EPB41: variants seen among roughly 807,000 people sequenced by gnomAD.
The protein encoded by EPB41 is erythrocyte membrane protein band 4.1, also known as protein 4.1.
In EPB41, 65 loss-of-function variants were observed where a neutral mutation model predicts 108.0. That is an observed-to-expected ratio of 0.60 (90% CI 0.49 to 0.74). The LOEUF is 0.74. Among genes scored for constraint, EPB41 ranks in the 30% least tolerant of loss-of-function variants. The pLI is 0.00. For synonymous variants in EPB41, 336 were observed against 358.9 expected (o/e 0.94, Z 0.72); for missense variants, 875 against 1,037.0 (o/e 0.84, Z 2.15).
rs746417923 is a variant in EPB41, at chr1:29,033,171, C to T, written c.1291C>T (p.Arg431Cys). The change falls in exon 9 of 21, where the codon CGC becomes TGC. Residue 431 changes from arginine to cysteine, a missense_variant. Around this residue, in one of 3 missense-constraint regions of EPB41, gnomAD observed 519 missense variants for 627.3 expected, o/e 0.83. Transcript: ENST00000343067. ...TTACAAAGATAAGCTGAGAATTAAC[C>T]GCTTCCCTTGGCCCAAAGTGCTGAA... The part of the protein sequence containing the change: ...LVYKDKLRIN[R>C]FPWPKVLKIS... The T allele has an allele frequency of 1.7e-5, 27 of 1,613,742 alleles. No homozygotes were observed. The highest frequency in any genetic ancestry group is 4.0e-5 in the African/African-American group (3 of 74,878).
chr1:28,917,054 G>C (rs1050469698), intron 1 of EPB41, among the ~76,000 whole-genome samples: 1 of 152,048 alleles, frequency 6.6e-6, no homozygotes, highest in Non-Finnish European at 1.5e-5. Flanking sequence ...GCCTCCCAAA[G>C]TGCTGGGATT....
At chr1:28,979,311 A>G (rs1230932017) in intron 1 of EPB41, among the ~76,000 whole-genome samples, 1 of 151,586 alleles carries the variant, frequency 6.6e-6, no homozygotes, top group East Asian at 1.9e-4. Context: ...AAATTTGTAG[A>G]CCACAACCAC....
At chr1:28,996,089 G>T (rs2096167487) in intron 3 of EPB41, among the ~76,000 whole-genome samples, 1 of 152,146 alleles carries the variant, frequency 6.6e-6, no homozygotes, top group Admixed American at 6.6e-5. Flanking sequence ...TTCCAATAAA[G>T]AGGTAGGATG....
intron 19 of EPB41, among the ~76,000 whole-genome samples, chr1:29,114,602 C>T (rs1670257540): frequency 6.8e-6 from 1 of 146,874 alleles, no homozygotes; most frequent in Admixed American, 6.8e-5. Context: ...AAGATCACAC[C>T]ACTGCACTCC....
chr1:28,968,780 A>T (rs548642752), intron 1 of EPB41, among the ~76,000 whole-genome samples: 1 of 152,068 alleles, frequency 6.6e-6, no homozygotes, highest in African/African-American at 2.4e-5. Flanking sequence ...CCTGGCCAAC[A>T]TGGTGAGACC....
chr1:29,100,428 C>T lies in EPB41; in HGVS notation c.2313+2493C>T, dbSNP rs57628970. ...GGTTAGCCAAGATGGCGCCATTGCA[C>T]TCCATCCTGGGCAACAAGAGTGAAA... On this transcript the variant is annotated intron_variant, in intron 17 of 20. Transcript: ENST00000343067. Among the ~76,000 whole-genome samples the T allele has an allele frequency of 4.7e-3, 691 of 147,132 alleles. 8 individuals are homozygous for T. Among genetic ancestry groups the T allele is most frequent in the African/African-American group, 0.016 (646 of 40,996 alleles).
intron 1 of EPB41, among the ~76,000 whole-genome samples, chr1:28,908,979 A>T (rs1451169400): frequency 6.6e-6 from 1 of 150,376 alleles, no homozygotes; most frequent in Non-Finnish European, 1.5e-5. Flanking sequence ...CCTATCCCAC[A>T]TGTCTCTACT....
At chr1:28,982,460 A>C (rs879061463) in intron 1 of EPB41, 1 of 770,412 alleles carries the variant, frequency 1.3e-6, no homozygotes, top group African/African-American at 1.7e-5. Context: ...GTCACTTTGC[A>C]GGGGTAGTGG....
intron 1 of EPB41, among the ~76,000 whole-genome samples, chr1:28,951,317 TA>T (rs1047579581): frequency 5.7e-5 from 8 of 141,366 alleles, no homozygotes; most frequent in East Asian, 2.0e-4. Flanking sequence ...AAGACCCCAT[TA>T]AAAAAAAAAC....
At chr1:29,107,346 C>T (rs924717835) in intron 17 of EPB41, among the ~76,000 whole-genome samples, 22 of 152,088 alleles carry the variant, frequency 1.4e-4, no homozygotes, top group African/African-American at 5.3e-4. Context: ...AGTCCTAGTT[C>T]AAACACCCAT....
chr1:29,098,471 A>C (rs1664038707), intron 17 of EPB41, among the ~76,000 whole-genome samples: 1 of 152,190 alleles, frequency 6.6e-6, no homozygotes, highest in African/African-American at 2.4e-5. Context: ...CTGAGATTAT[A>C]GGCGTGAGCC....
chr1:29,107,851 C>CA (rs58046908), intron 17 of EPB41, among the ~76,000 whole-genome samples: 30,948 of 62,622 alleles, frequency 0.49, 7,594 homozygotes, highest in Non-Finnish European at 0.54. Flanking sequence ...AACTCCATCT[C>CA]AAAAAAAAAA....
In EPB41 at chr1:28,908,022, C is replaced by T. The variant is rs2091964560; in HGVS notation, c.-8+20812C>T. Among the ~76,000 whole-genome samples, 3 of 151,906 alleles carry T rather than the reference C, an allele frequency of 2.0e-5. No homozygotes were observed. In the South Asian group the frequency reaches 6.2e-4, roughly 32 times the overall value. Reference sequence around the variant, plus strand: ...ACTGTACTTGAGGCTAATAATATTGCCTAAGTATTACTGTTAAGAAGTTAA... The same window carrying T: ...ACTGTACTTGAGGCTAATAATATTGTCTAAGTATTACTGTTAAGAAGTTAA... On this transcript the variant is annotated intron_variant, in intron 1 of 16. Coordinates refer to the EPB41 transcript ENST00000347529.
chr1:28,947,934 C>G (rs1185551990), intron 1 of EPB41, among the ~76,000 whole-genome samples: 3 of 151,658 alleles, frequency 2.0e-5, no homozygotes, highest in African/African-American at 7.3e-5. Context: ...TTATGTTAGT[C>G]TACTGACTAG....
At chr1:29,087,248 G>T (rs1475681870) in intron 16 of EPB41, among the ~76,000 whole-genome samples, 1 of 151,442 alleles carries the variant, frequency 6.6e-6, no homozygotes, top group Non-Finnish European at 1.5e-5. Context: ...GCCAACTGTG[G>T]TTCTTTTGAT....
At chr1:29,055,977 C>G (rs1645335824) in intron 12 of EPB41, among the ~76,000 whole-genome samples, 1 of 149,314 alleles carries the variant, frequency 6.7e-6, no homozygotes, top group Admixed American at 6.7e-5. Flanking sequence ...TGGCTCACGC[C>G]TGTAATCCCA....
chr1:28,944,954 G>A (rs1412656917), intron 1 of EPB41, among the ~76,000 whole-genome samples: 2 of 151,844 alleles, frequency 1.3e-5, no homozygotes, highest in Admixed American at 1.3e-4. Flanking sequence ...AGCCGAGCAT[G>A]GTGGTGTGCG....
At chr1:28,912,762 T>A (rs530645082), upstream of EPB41, among the ~76,000 whole-genome samples, 4 of 151,684 alleles carry the variant, frequency 2.6e-5, no homozygotes, top group South Asian at 8.4e-4. Context: ...AGATTACAGG[T>A]GCCTGCCACC....
chr1:28,940,669 A>G (rs138586873), intron 1 of EPB41, among the ~76,000 whole-genome samples: 1 of 152,068 alleles, frequency 6.6e-6, no homozygotes. Flanking sequence ...AAAAAAAATT[A>G]ATATTTCTTG....
Sources: allele counts gnomAD v4.1 joint callset (sites outside exome capture counted in the v4.1 genomes callset), GRCh38; gene constraint gnomAD v4.1.1; regional missense constraint gnomAD v4.1.1; transcripts MANE v1.5; gene names NCBI Gene and HGNC (gene_info 2026-07-23, HGNC 2026-07-21).